The following ABI3BP variants were observed in gnomAD, a reference collection of about 807,000 sequenced individuals.
The protein encoded by ABI3BP is ABI family member 3 binding protein, also known as target of Nesh-SH3.
Under a neutral mutation model 268.6 loss-of-function variants are expected in ABI3BP, and 216 were observed. The observed-to-expected ratio is 0.80, with a 90% CI of 0.72 to 0.90. ABI3BP has a LOEUF of 0.90. Ranked by LOEUF, ABI3BP falls within the 40% of genes least tolerant of loss-of-function variation. The probability of loss-of-function intolerance (pLI) is 0.00; values close to 1 mark genes in which losing one functional copy is unlikely to be tolerated. For missense variants in ABI3BP, 2,090 were observed against 2,182.4 expected (o/e 0.96, Z 0.84); for synonymous variants, 730 against 730.0 (o/e 1.00, Z 0.00).
intron 28 of ABI3BP, 46 bp from the exon 29 acceptor site, chr3:100,834,819 CAAAG>C (rs1460410492): frequency 6.7e-7 from 1 of 1,498,592 alleles, no homozygotes; most frequent in Non-Finnish European, 9.0e-7. Context: ...CTCCAGAAAC[CAAAG>C]AAAGGATTAC....
At chr3:100,811,321 T>C (rs1281865063) in intron 47 of ABI3BP, 44 bp from the exon 48 acceptor site, 4 of 1,402,528 alleles carry the variant, frequency 2.9e-6, no homozygotes, top group Non-Finnish European at 2.9e-6. Flanking sequence ...CTGTAAGATA[T>C]TAAGCTATAG....
intron 38 of ABI3BP, among the ~76,000 whole-genome samples, chr3:100,822,092 T>A (rs1054178415): frequency 6.6e-6 from 1 of 152,158 alleles, no homozygotes; most frequent in Non-Finnish European, 1.5e-5. Flanking sequence ...CACATCTTGT[T>A]GATAGCACTC....
chr3:100,870,380 A>G (rs1483421502), intron 9 of ABI3BP, among the ~76,000 whole-genome samples: 3 of 152,180 alleles, frequency 2.0e-5, no homozygotes, highest in Non-Finnish European at 4.4e-5. Flanking sequence ...ACATGGGCAA[A>G]GGACCTGAAT....
At chr3:100,824,741 T>C (rs73135561) in intron 36 of ABI3BP, 117 bp downstream of exon 36, 141,455 of 786,164 alleles carry the variant, frequency 0.18, 14,653 homozygotes, top group South Asian at 0.27. Context: ...GATGATGCCT[T>C]ATGCCCTCGT....
At chr3:100,772,539 G>A (rs1045053419) in intron 61 of ABI3BP, among the ~76,000 whole-genome samples, 3 of 152,078 alleles carry the variant, frequency 2.0e-5, no homozygotes, top group Non-Finnish European at 2.9e-5. Flanking sequence ...ACGGCAGATT[G>A]TGATAAATTA....
intron 59 of ABI3BP, among the ~76,000 whole-genome samples, chr3:100,776,562 A>C (rs1436257551): frequency 6.6e-6 from 1 of 152,108 alleles, no homozygotes; most frequent in Non-Finnish European, 1.5e-5. Flanking sequence ...CATGTGAGAG[A>C]GCCTCAGAGG....
chr3:100,879,613 C>A (rs975536), intron 6 of ABI3BP, among the ~76,000 whole-genome samples: 108,277 of 152,102 alleles, frequency 0.71, 39,409 homozygotes, highest in Non-Finnish European at 0.78. Flanking sequence ...AATGGAACAA[C>A]GTTTCTGTTC....
chr3:100,772,660 A>G (rs1416140467), intron 61 of ABI3BP, among the ~76,000 whole-genome samples: 1 of 152,238 alleles, frequency 6.6e-6, no homozygotes, highest in Non-Finnish European at 1.5e-5. Flanking sequence ...AACCTAAAAG[A>G]AGATTGACAA....
intron 61 of ABI3BP, among the ~76,000 whole-genome samples, chr3:100,772,714 CA>C (rs2096584547): frequency 6.6e-6 from 1 of 152,054 alleles, no homozygotes; most frequent in South Asian, 2.1e-4. Context: ...AAATAGAAAG[CA>C]AATAGCAAGA....
In ABI3BP at chr3:100,780,196, T is replaced by C; in HGVS notation, c.4176A>G (p.Ala1392=). ...TTCTATCAGCACCTGATGGCCTGGG[T>C]GCTTGCTTGACCCCTATGAGCAGAG... The part of the protein sequence containing the change: ...GNGVGTGVKQ[A]PRPSGADRNV... The change falls in exon 58 of 68, where the codon GCA becomes GCG. Residue 1392 remains alanine (A), a synonymous_variant. Coordinates refer to ENST00000471714, the MANE Select transcript of ABI3BP (RefSeq NM_001375547.2). The C allele has an allele frequency of 6.2e-7, 1 of 1,612,790 alleles. No homozygotes were observed. Among genetic ancestry groups the C allele is most frequent in the Non-Finnish European group, 8.5e-7 (1 of 1,179,120 alleles).
chr3:100,770,263 G>A (rs1313197772), intron 62 of ABI3BP, among the ~76,000 whole-genome samples: 1 of 152,166 alleles, frequency 6.6e-6, no homozygotes, highest in Non-Finnish European at 1.5e-5. Flanking sequence ...GAATTGGTGG[G>A]TGGTAACAGA....
chr3:100,891,179 T>C (rs541514422), intron 4 of ABI3BP, among the ~76,000 whole-genome samples: 1 of 152,312 alleles, frequency 6.6e-6, no homozygotes, highest in South Asian at 2.1e-4. Context: ...ATTTTTACCA[T>C]GATTCTCAAA....
chr3:100,762,094 GTTATTA>G (rs149238158), intron 63 of ABI3BP, among the ~76,000 whole-genome samples: 2,405 of 152,200 alleles, frequency 0.016, 54 homozygotes, highest in African/African-American at 0.055. Context: ...TATGACTAGA[GTTATTA>G]TTATTATTTT....
Position 100,864,007 on chromosome 3 carries a change from G to A in ABI3BP, c.1133C>T (p.Thr378Ile), listed in dbSNP as rs2099025028. ...LIPQFELPLS[T>I]LAPKSLPEFP... ...CAGTATTTATTATTTTTTACCTAGA[G>A]TGCTCAGTGGCAATTCAAACTGAGG... The change falls in exon 12 of 68, where the codon ACT (threonine) becomes ATT (isoleucine). Residue 378 changes from threonine to isoleucine, a missense_variant. Thr to Ile is a moderately conservative substitution (Grantham distance 89, BLOSUM62 -1). Coordinates refer to ENST00000471714, the MANE Select transcript of ABI3BP (RefSeq NM_001375547.2). 1.3e-6 allele frequency: 2 copies of A among 1,530,692 alleles called. No individual in the cohort carries two copies. The highest frequency in any genetic ancestry group is 2.0e-5 in the Admixed American group (1 of 50,978). The allele number at this position is 1,530,692 out of a possible 1,614,324, so 94.8% of individuals were successfully genotyped here.
At chr3:100,904,094 G>T (rs1194154011) in intron 2 of ABI3BP, among the ~76,000 whole-genome samples, 2 of 152,212 alleles carry the variant, frequency 1.3e-5, no homozygotes, top group East Asian at 3.9e-4. Flanking sequence ...TGTACTGAAC[G>T]CTTTCTATGT....
chr3:100,976,806 C>A (rs1275044963), intron 1 of ABI3BP, among the ~76,000 whole-genome samples: 1 of 152,168 alleles, frequency 6.6e-6, no homozygotes, highest in Non-Finnish European at 1.5e-5. Context: ...GATCTCAGAT[C>A]TGGCTGTCTT....
intron 20 of ABI3BP, among the ~76,000 whole-genome samples, chr3:100,842,996 T>A (rs1415785748): frequency 6.6e-6 from 1 of 152,210 alleles, no homozygotes; most frequent in Non-Finnish European, 1.5e-5. Context: ...TTATCAGGAA[T>A]GATCTCTGAT....
chr3:100,894,142 T>C (rs938673813), intron 4 of ABI3BP, among the ~76,000 whole-genome samples: 2 of 151,954 alleles, frequency 1.3e-5, no homozygotes, highest in Non-Finnish European at 2.9e-5. Context: ...CAGATATGGG[T>C]ACATCTCAAA....
intron 4 of ABI3BP, among the ~76,000 whole-genome samples, chr3:100,894,970 GA>G (rs567268534): frequency 1.3e-3 from 75 of 58,430 alleles, no homozygotes; most frequent in Non-Finnish European, 2.0e-3. Context: ...AAAAAAAACA[GA>G]AAAAAAAAAC....
Sources: gnomAD v4.1 joint callset for allele counts (sites outside exome capture counted in the v4.1 genomes callset) on GRCh38, gnomAD v4.1.1 for gene constraint, MANE v1.5 for transcripts, NCBI Gene and HGNC (gene_info 2026-07-23, HGNC 2026-07-21) for gene names.